LRRC8B: variants seen among roughly 807,000 people sequenced by gnomAD.
LRRC8B encodes the protein volume-regulated anion channel subunit LRRC8B.
In LRRC8B, 23 loss-of-function variants were observed where a neutral mutation model predicts 58.8. The observed-to-expected ratio is 0.39, with a 90% CI of 0.28 to 0.55. The LOEUF (loss-of-function observed/expected upper bound fraction) is 0.55, where lower values mean the gene tolerates loss of function less well. Among genes scored for constraint, LRRC8B ranks in the 20% least tolerant of loss-of-function variants. The pLI is 0.62. For missense variants in LRRC8B, 694 were observed against 936.0 expected, an observed-to-expected ratio of 0.74 and a Z score of 3.37; for synonymous variants, 359 against 374.1, an observed-to-expected ratio of 0.96 and a Z score of 0.47.
chr1:89,560,822 T>A (rs1652588463), intron 1 of LRRC8B, among the ~76,000 whole-genome samples: 1 of 151,822 alleles, frequency 6.6e-6, no homozygotes, highest in Non-Finnish European at 1.5e-5. Context: ...GTCTTTGCTA[T>A]TGTGAATAAT....
chr1:89,592,735 C>G (rs746806534), intron 5 of LRRC8B, 36 bp from the exon 6 acceptor site: 2 of 1,544,196 alleles, frequency 1.3e-6, no homozygotes, highest in Admixed American at 1.8e-5. Context: ...CCACCAAAAA[C>G]CTATTTTACC....
chr1:89,556,078 C>G (rs983876793), intron 1 of LRRC8B, among the ~76,000 whole-genome samples: 1 of 152,132 alleles, frequency 6.6e-6, no homozygotes, highest in Non-Finnish European at 1.5e-5. Context: ...GGAACTTTTA[C>G]GCCCACCATC....
intron 1 of LRRC8B, among the ~76,000 whole-genome samples, chr1:89,533,459 A>G (rs1164871369): frequency 6.6e-6 from 1 of 152,192 alleles, no homozygotes; most frequent in Non-Finnish European, 1.5e-5. Flanking sequence ...AGATGGCTTC[A>G]TTCCGTAGCT....
At chr1:89,581,993 T>C (rs1320867296) in intron 4 of LRRC8B, among the ~76,000 whole-genome samples, 2 of 152,178 alleles carry the variant, frequency 1.3e-5, no homozygotes, top group East Asian at 1.9e-4. Flanking sequence ...AAGAGGCTCC[T>C]TGTGGTGACT....
At chr1:89,559,642 A>T (rs1315105056) in intron 1 of LRRC8B, among the ~76,000 whole-genome samples, 1 of 151,266 alleles carries the variant, frequency 6.6e-6, no homozygotes, top group Non-Finnish European at 1.5e-5. Context: ...ACACACACAC[A>T]CACACACACA....
intron 1 of LRRC8B, among the ~76,000 whole-genome samples, chr1:89,539,153 A>G (rs1023168661): frequency 6.6e-5 from 10 of 152,176 alleles, no homozygotes; most frequent in Non-Finnish European, 1.5e-4. Flanking sequence ...AAGAAAACCT[A>G]TTTTTCTAGT....
At chr1:89,532,709 G>A (rs929847303) in intron 1 of LRRC8B, among the ~76,000 whole-genome samples, 16 of 152,150 alleles carry the variant, frequency 1.1e-4, no homozygotes, top group African/African-American at 3.6e-4. Context: ...AAATTACCCA[G>A]TCTTGAGTAT....
rs1655091645 is a variant in LRRC8B at position 89,593,038 on chromosome 1, T to C, written c.2407T>C (p.Cys803Arg). ...ACGTTTACAGACGTGCTTAGACAAA[T>C]GTTGACTTAAAGAAAAGAGACCCGT... is the stretch of plus-strand genomic sequence containing the variant. ...TERLQTCLDK[C>R] Residue 803 changes from cysteine to arginine, a missense_variant, in exon 6 of 6, where the codon TGT (cysteine) becomes CGT (arginine). By Grantham distance (180) the Cys-to-Arg change is radical (BLOSUM62 -3). Transcript: ENST00000330947. 1.2e-6 allele frequency: 2 copies of C among 1,609,378 alleles called. No individual in the cohort carries two copies. Among genetic ancestry groups the C allele is most frequent in the East Asian group, 4.5e-5 (2 of 44,800 alleles).
intron 1 of LRRC8B, among the ~76,000 whole-genome samples, chr1:89,564,499 A>G (rs889327114): frequency 9.2e-5 from 14 of 152,150 alleles, no homozygotes; most frequent in Non-Finnish European, 1.6e-4. Flanking sequence ...TATGAACTTG[A>G]GCAAGTTTGT....
At chr1:89,560,594 A>C (rs1652565859) in intron 1 of LRRC8B, among the ~76,000 whole-genome samples, 1 of 136,720 alleles carries the variant, frequency 7.3e-6, no homozygotes, top group Non-Finnish European at 1.6e-5. Flanking sequence ...TGTCCATGTG[A>C]TCTCATTGTT....
intron 1 of LRRC8B, among the ~76,000 whole-genome samples, chr1:89,546,888 T>C: frequency 6.6e-6 from 1 of 152,236 alleles, no homozygotes; most frequent in Non-Finnish European, 1.5e-5. Flanking sequence ...TTGTATATGA[T>C]TCAGTAATGA....
In LRRC8B at chr1:89,593,599, C is replaced by A. The variant is rs1655132179; in HGVS notation, c.*556C>A. ...TTATTGAGATGTTGCAAGAAATGCA[C>A]ATCCAGGGTGGACTGGGAGCTATGA... On this transcript the variant is annotated 3_prime_UTR_variant, in exon 6 of 6. Coordinates refer to ENST00000330947, the MANE Select transcript of LRRC8B (RefSeq NM_001369817.2). 6.6e-6 allele frequency: 1 copy of A among 152,520 alleles called. No individual in the cohort carries two copies. Among genetic ancestry groups the A allele is most frequent in the African/African-American group, 2.4e-5 (1 of 41,444 alleles). The allele number at this position is 152,520 out of a possible 1,614,324, so 9.4% of individuals were successfully genotyped here. A position where few individuals can be genotyped will look rare whatever the true frequency, so the allele number is the denominator to read the frequency against.
chr1:89,590,100 A>C (rs1448091796), intron 5 of LRRC8B, among the ~76,000 whole-genome samples: 2 of 152,032 alleles, frequency 1.3e-5, no homozygotes, highest in Non-Finnish European at 2.9e-5. Context: ...AGTAGTCTGT[A>C]AGCTTTCCCA....
intron 1 of LRRC8B, among the ~76,000 whole-genome samples, chr1:89,527,982 T>C (rs1465420500): frequency 6.6e-6 from 1 of 152,252 alleles, no homozygotes; most frequent in Non-Finnish European, 1.5e-5. Flanking sequence ...AAATGAGTTG[T>C]CAGGGCTTCA....
intron 3 of LRRC8B, among the ~76,000 whole-genome samples, chr1:89,577,907 T>C (rs368226474): frequency 6.6e-6 from 1 of 151,990 alleles, no homozygotes; most frequent in South Asian, 2.1e-4. Context: ...TCTTCAGCTT[T>C]TGAGAGACCT....
intron 1 of LRRC8B, among the ~76,000 whole-genome samples, chr1:89,545,932 T>G (rs962862603): frequency 3.9e-5 from 6 of 152,300 alleles, no homozygotes; most frequent in Admixed American, 2.0e-4. Flanking sequence ...AAACGATACA[T>G]CCAGGATTTG....
At chr1:89,581,045 T>A (rs1224914108) in intron 4 of LRRC8B, among the ~76,000 whole-genome samples, 1 of 151,946 alleles carries the variant, frequency 6.6e-6, no homozygotes, top group Non-Finnish European at 1.5e-5. Flanking sequence ...TAATCTCAGC[T>A]CTTTGAGAGG....
intron 3 of LRRC8B, among the ~76,000 whole-genome samples, chr1:89,575,896 TTG>T (rs1653811805): frequency 1.3e-5 from 2 of 152,210 alleles, no homozygotes; most frequent in Non-Finnish European, 2.9e-5. Context: ...TTTAAACATA[TTG>T]TAAACTTTAG....
chr1:89,591,269 T>C (rs550136439), intron 5 of LRRC8B, among the ~76,000 whole-genome samples: 1 of 152,324 alleles, frequency 6.6e-6, no homozygotes, highest in East Asian at 1.9e-4. Context: ...TAATGCACAC[T>C]GCAAAGGACT....
Sources: gnomAD v4.1 joint callset for allele counts (sites outside exome capture counted in the v4.1 genomes callset) on GRCh38, gnomAD v4.1.1 for gene constraint, MANE v1.5 for transcripts, NCBI Gene and HGNC (gene_info 2026-07-23, HGNC 2026-07-21) for gene names.